Variants in LHFPL2 observed in about 807,000 individuals in gnomAD.
LHFPL2 encodes LHFPL tetraspan subfamily member 2.
In LHFPL2, 7 loss-of-function variants were observed where a neutral mutation model predicts 17.5. That is an observed-to-expected ratio of 0.40 (90% confidence interval 0.23 to 0.75). The LOEUF is 0.75. Among genes scored for constraint, LHFPL2 ranks in the 30% least tolerant of loss-of-function variants. LHFPL2 has a pLI of 0.37. For synonymous variants in LHFPL2, 134 were observed against 116.2 expected, an observed-to-expected ratio of 1.15 and a Z score of -0.99; for missense variants, 241 against 294.8, an observed-to-expected ratio of 0.82 and a Z score of 1.34.
At chr5:78,514,241 C>A (rs571624055) in intron 3 of LHFPL2, among the ~76,000 whole-genome samples, 1 of 152,232 alleles carries the variant, frequency 6.6e-6, no homozygotes, top group East Asian at 1.9e-4. Context: ...CGTTTCCCCT[C>A]GACAACACCT....
At chr5:78,607,881 G>A (rs542939174) in intron 2 of LHFPL2, among the ~76,000 whole-genome samples, 2 of 152,336 alleles carry the variant, frequency 1.3e-5, no homozygotes, top group South Asian at 4.1e-4. Context: ...TCTATGTAAT[G>A]CCCAAAGGGA....
intron 3 of LHFPL2, among the ~76,000 whole-genome samples, chr5:78,562,156 C>T (rs554336601): frequency 1.1e-4 from 16 of 152,288 alleles, no homozygotes; most frequent in East Asian, 3.9e-4. Flanking sequence ...ACGTATCACA[C>T]GCATTCCCAT....
intron 2 of LHFPL2, among the ~76,000 whole-genome samples, chr5:78,609,450 C>CA (rs71613975): frequency 0.47 from 18,889 of 40,620 alleles, 5,738 homozygotes; most frequent in Non-Finnish European, 0.61. Context: ...GACTCAGTCT[C>CA]AAAAAAAAAA....
intron 3 of LHFPL2, among the ~76,000 whole-genome samples, chr5:78,537,350 T>A (rs1399868704): frequency 6.6e-6 from 1 of 151,930 alleles, no homozygotes; most frequent in Non-Finnish European, 1.5e-5. Flanking sequence ...GTTAGAAATG[T>A]GCAAGGCTTC....
chr5:78,567,541 T>A (rs1332815853), intron 2 of LHFPL2, among the ~76,000 whole-genome samples: 1 of 152,142 alleles, frequency 6.6e-6, no homozygotes, highest in Non-Finnish European at 1.5e-5. Context: ...TTTAGAAACA[T>A]TGGTCTGTTA....
chr5:78,578,563 A>G (rs1445824230), intron 2 of LHFPL2, among the ~76,000 whole-genome samples: 1 of 148,968 alleles, frequency 6.7e-6, no homozygotes, highest in African/African-American at 2.5e-5. Flanking sequence ...GGAAGGGCTT[A>G]GGCTGTTTTT....
chr5:78,564,282 G>A (rs999067962), intron 3 of LHFPL2, among the ~76,000 whole-genome samples: 21 of 152,034 alleles, frequency 1.4e-4, no homozygotes, highest in African/African-American at 3.1e-4. Context: ...CTCTATTATC[G>A]TCACTAATAT....
intron 3 of LHFPL2, among the ~76,000 whole-genome samples, chr5:78,561,575 T>C (rs1395221577): frequency 6.6e-6 from 1 of 152,216 alleles, no homozygotes; most frequent in African/African-American, 2.4e-5. Context: ...TTGCATAACA[T>C]GATAAAACGC....
At position 78,516,358 on chromosome 5, in the gene LHFPL2, C is replaced by T. The variant is rs145010371; in HGVS notation, c.-185-5960G>A. 5.6e-4 allele frequency among the ~76,000 whole-genome samples: 86 copies of T among 152,308 alleles called. No homozygotes were observed. In the East Asian group the frequency reaches 0.015, roughly 26 times the overall value. On this transcript the variant is annotated intron_variant, in intron 3 of 4. Transcript: ENST00000380345. ...TCTGACTTCTGGGAAAACTCTGAAG[C>T]TATGGTTCCCAATTAGGGGCAATTC... is the stretch of plus-strand genomic sequence containing the variant.
intron 2 of LHFPL2, among the ~76,000 whole-genome samples, chr5:78,588,958 G>A (rs1743529608): frequency 6.6e-6 from 1 of 152,130 alleles, no homozygotes; most frequent in Non-Finnish European, 1.5e-5. Context: ...AAAGGGGAGG[G>A]ACTAATATAT....
At chr5:78,515,348 G>C (rs1342499170) in intron 3 of LHFPL2, among the ~76,000 whole-genome samples, 1 of 152,120 alleles carries the variant, frequency 6.6e-6, no homozygotes, top group Admixed American at 6.5e-5. Flanking sequence ...TGACAATCTG[G>C]ATTTGTCGAT....
rs7710636 is a variant in LHFPL2 at position 78,495,389 on chromosome 5, T to C, written c.431-6236A>G. Among the ~76,000 whole-genome samples, 1,378 of 152,302 alleles carry C rather than the reference T, an allele frequency of 9.0e-3. 16 individuals carry two copies. Among genetic ancestry groups the C allele is most frequent in the African/African-American group, 0.031 (1,298 of 41,550 alleles). On this transcript the variant is annotated intron_variant, in intron 4 of 4. Coordinates refer to ENST00000380345, the MANE Select transcript of LHFPL2 (RefSeq NM_005779.3). ...GTCTTTGTGGGTCACCAACCATTTGTACAGAAAAAGGCCTTTGTTCCTGCC... is the reference window on the plus strand; with the variant it reads ...GTCTTTGTGGGTCACCAACCATTTGCACAGAAAAAGGCCTTTGTTCCTGCC...
chr5:78,485,365 C>T lies in LHFPL2; in HGVS notation c.*3532G>A, dbSNP rs1439686748. 1 of 152,602 alleles carries T rather than the reference C, an allele frequency of 6.6e-6. No homozygotes were observed. The highest frequency in any genetic ancestry group is 1.5e-5 in the Non-Finnish European group (1 of 68,036). 9.5% of individuals were successfully genotyped at this position (152,602 alleles called of 1,614,324 possible). On this transcript the variant is annotated 3_prime_UTR_variant, in exon 5 of 5. Coordinates refer to ENST00000380345, the MANE Select transcript of LHFPL2 (RefSeq NM_005779.3). ...TAGGATAACTACAAGTTTGAAGGCT[C>T]AAATTGAGTCCATCAGCTGTAAATA... is the stretch of plus-strand genomic sequence containing the variant.
intron 2 of LHFPL2, among the ~76,000 whole-genome samples, chr5:78,584,565 G>C (rs1193693456): frequency 6.6e-6 from 1 of 152,140 alleles, no homozygotes; most frequent in South Asian, 2.1e-4. Flanking sequence ...GTCTGCCCCT[G>C]CTGGGGGGGT....
Position 78,542,443 on chromosome 5 carries a change from C to T in LHFPL2, c.-186+22370G>A, listed in dbSNP as rs1018033323. ...GACTTCCAGGAATCACCCTAGTGGG[C>T]TTCTCCAGCTCTGCTGCTCTGCTTG... On this transcript the variant is annotated intron_variant, in intron 3 of 4. Transcript: ENST00000380345. Among the ~76,000 whole-genome samples, 3 of 152,334 alleles carry T rather than the reference C, an allele frequency of 2.0e-5. No homozygotes were observed. In the East Asian group the frequency reaches 5.8e-4, roughly 29 times the overall value.
At chr5:78,512,037 GAAC>G (rs1755145004) in intron 3 of LHFPL2, among the ~76,000 whole-genome samples, 1 of 152,114 alleles carries the variant, frequency 6.6e-6, no homozygotes. Flanking sequence ...TGCAAGGAAT[GAAC>G]AAGAACCTAC....
chr5:78,577,825 A>G (rs1483145014), intron 2 of LHFPL2, among the ~76,000 whole-genome samples: 2 of 151,716 alleles, frequency 1.3e-5, no homozygotes, highest in Non-Finnish European at 2.9e-5. Flanking sequence ...AGACTCCCCT[A>G]AGCAATATCA....
chr5:78,534,202 G>A (rs1191900192), intron 3 of LHFPL2, among the ~76,000 whole-genome samples: 2 of 152,214 alleles, frequency 1.3e-5, no homozygotes, highest in African/African-American at 2.4e-5. Flanking sequence ...CAGCAGAGGG[G>A]GCTCTCAGGA....
intron 3 of LHFPL2, among the ~76,000 whole-genome samples, chr5:78,529,605 C>T (rs1032379890): frequency 1.3e-4 from 19 of 151,516 alleles, no homozygotes; most frequent in African/African-American, 4.4e-4. Context: ...CACTGCAGTC[C>T]GCAGTCCGGC....
Sources: allele counts gnomAD v4.1 joint callset (sites outside exome capture counted in the v4.1 genomes callset), GRCh38; gene constraint gnomAD v4.1.1; transcripts MANE v1.5; gene names NCBI Gene and HGNC (gene_info 2026-07-23, HGNC 2026-07-21).